The following RNF150 variants were observed in gnomAD, a reference collection of about 807,000 sequenced individuals.
RNF150 encodes the protein ring finger protein 150.
Under a neutral mutation model 39.3 loss-of-function variants are expected in RNF150, and 24 were observed. The observed-to-expected ratio is 0.61, with a 90% CI of 0.44 to 0.86. The LOEUF is 0.86. Among genes scored for constraint, RNF150 ranks in the 40% least tolerant of loss-of-function variants. The probability of loss-of-function intolerance (pLI) is 0.00; values close to 1 mark genes in which losing one functional copy is unlikely to be tolerated. For missense variants in RNF150, 502 were observed against 587.8 expected (o/e 0.85, Z 1.51); for synonymous variants, 255 against 227.3 (o/e 1.12, Z -1.10).
chr4:141,032,256 C>T (rs963304989), intron 1 of RNF150, among the ~76,000 whole-genome samples: 3 of 151,944 alleles, frequency 2.0e-5, no homozygotes, highest in Non-Finnish European at 2.9e-5. Flanking sequence ...AGCAGAGAGT[C>T]GAATGATGGT....
chr4:141,006,703 C>G (rs1275280074), intron 1 of RNF150, among the ~76,000 whole-genome samples: 1 of 152,170 alleles, frequency 6.6e-6, no homozygotes, highest in Admixed American at 6.5e-5. Flanking sequence ...TCATTCATAC[C>G]TAAGAGTCTA....
At chr4:141,151,776 A>T (rs756242397) in intron 1 of RNF150, among the ~76,000 whole-genome samples, 1 of 152,148 alleles carries the variant, frequency 6.6e-6, no homozygotes, top group African/African-American at 2.4e-5. Context: ...TCTTTGTAAC[A>T]TTTAAATTTA....
intron 1 of RNF150, among the ~76,000 whole-genome samples, chr4:141,021,337 T>C (rs569288451): frequency 1.3e-5 from 2 of 152,260 alleles, no homozygotes; most frequent in East Asian, 1.9e-4. Flanking sequence ...CTGAGTAGAG[T>C]TGAGTTTGGT....
chr4:141,112,117 A>G lies in RNF150; in HGVS notation c.484+20208T>C, dbSNP rs1051438853. ...AGGAATAAATTATACTATGAAAACT[A>G]TAACTATTCTTTAAGCCAAAATATA... On this transcript the variant is annotated intron_variant, in intron 1 of 6. Transcript: ENST00000515673. Among the ~76,000 whole-genome samples, 17 of 152,324 alleles carry G rather than the reference A, an allele frequency of 1.1e-4. No individual in the cohort carries two copies. In the East Asian group the frequency reaches 3.1e-3, roughly 28 times the overall value.
intron 1 of RNF150, among the ~76,000 whole-genome samples, chr4:141,070,249 T>C (rs1737638984): frequency 6.6e-6 from 1 of 152,208 alleles, no homozygotes; most frequent in African/African-American, 2.4e-5. Flanking sequence ...ATTAAAGATT[T>C]AAACATTAGA....
At position 140,999,993 on chromosome 4, in the gene RNF150, AAAGAAGAAG is replaced by A. The variant is rs1169596089; in HGVS notation, c.485-32129_485-32121del. On this transcript the variant is annotated intron_variant, in intron 1 of 6. Coordinates refer to ENST00000515673, the MANE Select transcript of RNF150 (RefSeq NM_020724.2). ...AGAAGAAGAAAAGAAGAAAAGAAGA[AAAGAAGAAG>A]AAGAAGAAGAAGAAGAAGAAGAAGA... 3.2e-3 allele frequency among the ~76,000 whole-genome samples: 201 copies of A among 63,278 alleles called. 4 individuals carry two copies. The highest frequency in any genetic ancestry group is 0.01 in the African/African-American group (192 of 18,852). The allele number at this position is 63,278 out of a possible 152,430, so 41.5% of individuals were successfully genotyped here. A position where few individuals can be genotyped will look rare whatever the true frequency, so the allele number is the denominator to read the frequency against.
intron 4 of RNF150, among the ~76,000 whole-genome samples, chr4:140,938,663 C>T (rs191436874): frequency 6.6e-6 from 1 of 152,228 alleles, no homozygotes; most frequent in Admixed American, 6.5e-5. Context: ...CTTACTAAAT[C>T]AATTTTTAGG....
chr4:141,048,412 C>T (rs1736660138), intron 1 of RNF150, among the ~76,000 whole-genome samples: 1 of 152,162 alleles, frequency 6.6e-6, no homozygotes, highest in Admixed American at 6.5e-5. Flanking sequence ...TCCATCTTGG[C>T]ATGCAGCCAT....
intron 1 of RNF150, among the ~76,000 whole-genome samples, chr4:141,062,749 G>A (rs1737286580): frequency 1.3e-5 from 2 of 152,090 alleles, no homozygotes. Flanking sequence ...ATTATGCTGA[G>A]ATTTGGGGTA....
intron 1 of RNF150, among the ~76,000 whole-genome samples, chr4:141,171,781 T>C (rs1727730212): frequency 1.3e-5 from 2 of 152,274 alleles, no homozygotes; most frequent in East Asian, 3.9e-4. Flanking sequence ...TGTAGATGTT[T>C]AATTAAATGG....
intron 1 of RNF150, among the ~76,000 whole-genome samples, chr4:141,043,951 ATG>A (rs1367601820): frequency 6.6e-6 from 1 of 152,188 alleles, no homozygotes; most frequent in African/African-American, 2.4e-5. Flanking sequence ...ACTAATATTG[ATG>A]AAGCACTTAG....
intron 6 of RNF150, among the ~76,000 whole-genome samples, chr4:140,905,321 C>T (rs186953040): frequency 6.6e-6 from 1 of 152,170 alleles, no homozygotes. Flanking sequence ...TGAAGACCAT[C>T]AAGACATTTA....
chr4:141,156,948 T>A (rs1460007247), intron 1 of RNF150, among the ~76,000 whole-genome samples: 3 of 151,956 alleles, frequency 2.0e-5, no homozygotes, highest in Non-Finnish European at 4.4e-5. Context: ...AAATAATCAA[T>A]TAAGGTCCAG....
intron 1 of RNF150, among the ~76,000 whole-genome samples, chr4:141,192,246 T>C (rs528655435): frequency 1.2e-4 from 19 of 152,318 alleles, no homozygotes; most frequent in Non-Finnish European, 1.8e-4. Flanking sequence ...ATAATCTTAA[T>C]ATCTTCTCCT....
intron 1 of RNF150, among the ~76,000 whole-genome samples, chr4:141,212,424 A>G (rs763793001): frequency 3.3e-5 from 5 of 152,166 alleles, no homozygotes; most frequent in Non-Finnish European, 5.9e-5. Flanking sequence ...ATTCCACTGC[A>G]GAATACAGCA....
intron 4 of RNF150, among the ~76,000 whole-genome samples, chr4:140,936,289 G>T (rs1309564299): frequency 6.6e-6 from 1 of 152,098 alleles, no homozygotes. Context: ...TTTCTCTCAG[G>T]TATATATCCA....
chr4:141,149,364 G>A (rs1727258363), intron 1 of RNF150, among the ~76,000 whole-genome samples: 1 of 139,498 alleles, frequency 7.2e-6, no homozygotes. Flanking sequence ...TACCCAATGT[G>A]TAGCTTCTTA....
chr4:141,003,528 A>G (rs1734748997), intron 1 of RNF150, among the ~76,000 whole-genome samples: 1 of 150,914 alleles, frequency 6.6e-6, no homozygotes, highest in Non-Finnish European at 1.5e-5. Flanking sequence ...AACATTTCCC[A>G]CATTCCAATT....
Position 140,920,380 on chromosome 4 carries a change from C to T in RNF150, c.987+5597G>A, listed in dbSNP as rs563994320. On this transcript the variant is annotated intron_variant, in intron 5 of 6. Transcript: ENST00000515673. ...ACCCCATCAAAAAGTGGGCAAAGGA[C>T]ATGAACAGACACTTCTCAAAAGAGA... Among the ~76,000 whole-genome samples, 278 of 147,084 alleles carry T rather than the reference C, an allele frequency of 1.9e-3. 2 individuals carry two copies. Among genetic ancestry groups the T allele is most frequent in the African/African-American group, 6.7e-3 (266 of 39,766 alleles).
Sources: allele counts gnomAD v4.1 joint callset (sites outside exome capture counted in the v4.1 genomes callset), GRCh38; gene constraint gnomAD v4.1.1; transcripts MANE v1.5; gene names NCBI Gene and HGNC (gene_info 2026-07-23, HGNC 2026-07-21).